BCAT1: variants seen among roughly 807,000 people sequenced by gnomAD.
BCAT1 encodes branched chain amino acid transaminase 1.
In BCAT1, 48 loss-of-function variants were observed where a neutral mutation model predicts 52.4. The ratio of observed to expected loss-of-function variants is 0.92; its 90% confidence interval spans 0.73 to 1.16. BCAT1 has a LOEUF of 1.16. Ranked by LOEUF, BCAT1 falls within the 50% of genes most tolerant of loss-of-function variation. BCAT1 has a pLI of 0.00. For missense variants in BCAT1, 451 were observed against 457.1 expected (o/e 0.99, Z 0.12); for synonymous variants, 167 against 161.3 (o/e 1.04, Z -0.27).
intron 5 of BCAT1, among the ~76,000 whole-genome samples, chr12:24,869,023 G>A (rs376063756): frequency 1.4e-4 from 22 of 152,330 alleles, no homozygotes; most frequent in African/African-American, 5.3e-4. Context: ...CACTTCACAA[G>A]AGGACTTCTG....
intron 2 of BCAT1, among the ~76,000 whole-genome samples, chr12:24,900,578 ACT>A (rs1943075611): frequency 6.6e-6 from 1 of 152,074 alleles, no homozygotes; most frequent in African/African-American, 2.4e-5. Context: ...ACAGAACAAG[ACT>A]CTGTCTCAAA....
intron 3 of BCAT1, among the ~76,000 whole-genome samples, chr12:24,888,586 C>T (rs1006075531): frequency 6.6e-6 from 1 of 152,166 alleles, no homozygotes; most frequent in Non-Finnish European, 1.5e-5. Context: ...CCTTGCACAG[C>T]CCTGGGCACA....
At chr12:24,830,567 T>C (rs1193972586) in intron 9 of BCAT1, 1 of 152,238 alleles carries the variant, frequency 6.6e-6, no homozygotes, top group Non-Finnish European at 1.5e-5. Flanking sequence ...AGATAGTCTG[T>C]GCTCTCAAAC....
intron 2 of BCAT1, among the ~76,000 whole-genome samples, chr12:24,901,341 C>T (rs971298236): frequency 2.0e-5 from 3 of 152,208 alleles, no homozygotes; most frequent in Non-Finnish European, 4.4e-5. Flanking sequence ...TGTATTTGTA[C>T]AGTTTTCAAC....
At chr12:24,823,272 G>A (rs1940225101) in intron 10 of BCAT1, among the ~76,000 whole-genome samples, 1 of 151,872 alleles carries the variant, frequency 6.6e-6, no homozygotes, top group Non-Finnish European at 1.5e-5. Flanking sequence ...ACAGGGATTT[G>A]CCATGTTACC....
At chr12:24,900,451 T>C (rs1000347863) in intron 2 of BCAT1, among the ~76,000 whole-genome samples, 5 of 152,064 alleles carry the variant, frequency 3.3e-5, no homozygotes, top group Non-Finnish European at 7.4e-5. Context: ...TTGGGCCTGA[T>C]GGCATGCAAG....
At chr12:24,879,379 GA>G (rs948891084) in intron 4 of BCAT1, among the ~76,000 whole-genome samples, 60 of 151,168 alleles carry the variant, frequency 4.0e-4, no homozygotes, top group Middle Eastern at 3.4e-3. Context: ...TATTTCTAAA[GA>G]AAAAAAAATT....
chr12:24,865,146 G>T (rs1409482459), intron 5 of BCAT1, among the ~76,000 whole-genome samples: 1 of 152,014 alleles, frequency 6.6e-6, no homozygotes, highest in Non-Finnish European at 1.5e-5. Flanking sequence ...GCATTTTTAT[G>T]CTTAAAGACA....
At chr12:24,865,971 G>A (rs1268673102) in intron 5 of BCAT1, among the ~76,000 whole-genome samples, 14 of 152,260 alleles carry the variant, frequency 9.2e-5, no homozygotes, top group Admixed American at 3.3e-4. Flanking sequence ...CGCCCATTCT[G>A]ACCGCGCTTG....
At chr12:24,847,627 G>C (rs1481263082) in intron 6 of BCAT1, among the ~76,000 whole-genome samples, 2 of 152,194 alleles carry the variant, frequency 1.3e-5, no homozygotes, top group African/African-American at 4.8e-5. Flanking sequence ...GAAAGAGAGA[G>C]AGAGTGACAG....
chr12:24,822,600 C>T (rs148309274), intron 10 of BCAT1, among the ~76,000 whole-genome samples: 1 of 152,288 alleles, frequency 6.6e-6, no homozygotes, highest in Non-Finnish European at 1.5e-5. Context: ...AATTTGCCAT[C>T]TTGTAAGAGT....
At chr12:24,846,226 G>A (rs1022928695) in intron 6 of BCAT1, among the ~76,000 whole-genome samples, 1 of 152,160 alleles carries the variant, frequency 6.6e-6, no homozygotes, top group Non-Finnish European at 1.5e-5. Flanking sequence ...GGTTTTTTAT[G>A]TTTAAGTTTT....
chr12:24,937,680 C>T (rs549875790), intron 1 of BCAT1, among the ~76,000 whole-genome samples: 3 of 152,146 alleles, frequency 2.0e-5, no homozygotes, highest in East Asian at 3.9e-4. Context: ...TCACCATGCC[C>T]CACCGGGTTG....
At chr12:24,929,049 CCG>C (rs1809763391) in intron 1 of BCAT1, among the ~76,000 whole-genome samples, 1 of 152,172 alleles carries the variant, frequency 6.6e-6, no homozygotes, top group Admixed American at 6.5e-5. Context: ...GCATGAACCA[CCG>C]CTCCCAGCCC....
At chr12:24,936,742 T>TCTCTCTCTCTC (rs1943762429) in intron 1 of BCAT1, among the ~76,000 whole-genome samples, 1 of 67,906 alleles carries the variant, frequency 1.5e-5, no homozygotes, top group African/African-American at 4.2e-5. Context: ...CACACACACA[T>TCTCTCTCTCTC]ACACACACAC....
chr12:24,836,849 A>G (rs1308712839), intron 7 of BCAT1, among the ~76,000 whole-genome samples: 9 of 146,372 alleles, frequency 6.1e-5, no homozygotes, highest in African/African-American at 1.3e-4. Context: ...AGAGAGAGAG[A>G]AAGAAAGGAA....
intron 3 of BCAT1, among the ~76,000 whole-genome samples, chr12:24,889,440 T>C (rs550375168): frequency 6.6e-6 from 1 of 152,358 alleles, no homozygotes; most frequent in South Asian, 2.1e-4. Flanking sequence ...TCCCCCATGC[T>C]CTTCCAGAAC....
chr12:24,927,828 CAGAAATAG>C (rs375461776), intron 1 of BCAT1, among the ~76,000 whole-genome samples: 8 of 152,274 alleles, frequency 5.3e-5, no homozygotes, highest in African/African-American at 1.4e-4. Flanking sequence ...AGAGTACAAC[CAGAAATAG>C]TTTTATTTTT....
chr12:24,949,326 T>C (rs1943986954), upstream of BCAT1: 2 of 269,824 alleles, frequency 7.4e-6, no homozygotes, highest in Non-Finnish European at 1.4e-5. Flanking sequence ...AATCAGCCAC[T>C]GTGGGTGCGT....
Sources: allele counts gnomAD v4.1 joint callset (sites outside exome capture counted in the v4.1 genomes callset), GRCh38; gene constraint gnomAD v4.1.1; transcripts MANE v1.5; gene names NCBI Gene and HGNC (gene_info 2026-07-23, HGNC 2026-07-21).